CLYBL: variants seen among roughly 807,000 people sequenced by gnomAD.
CLYBL encodes the protein citramalyl-CoA lyase, mitochondrial.
A neutral mutation model predicts 38.9 loss-of-function variants in CLYBL; 31 were observed. The ratio of observed to expected loss-of-function variants is 0.80; its 90% CI spans 0.60 to 1.08. The LOEUF is 1.08. CLYBL is among the 50% of genes least tolerant of loss of function. CLYBL has a pLI of 0.00. For synonymous variants in CLYBL, 171 were observed against 158.6 expected, an observed-to-expected ratio of 1.08 and a Z score of -0.59; for missense variants, 434 against 411.6, an observed-to-expected ratio of 1.05 and a Z score of -0.47.
chr13:99,766,128 C>T (rs1010293951), intron 1 of CLYBL, among the ~76,000 whole-genome samples: 1 of 152,182 alleles, frequency 6.6e-6, no homozygotes, highest in Admixed American at 6.5e-5. Flanking sequence ...GCTGGGATTA[C>T]AGGCATGAGC....
intron 2 of CLYBL, among the ~76,000 whole-genome samples, chr13:99,856,298 T>C (rs953271554): frequency 7.9e-5 from 12 of 152,172 alleles, no homozygotes; most frequent in African/African-American, 2.9e-4. Flanking sequence ...ATTAACAATT[T>C]AGGAAGTTGA....
intron 3 of CLYBL, 30 bp from the exon 4 acceptor site, chr13:99,862,961 A>G: frequency 3.0e-6 from 4 of 1,327,462 alleles, no homozygotes; most frequent in Non-Finnish European, 4.3e-6. Context: ...TTTTTTCCCC[A>G]CTAATCACCT....
chr13:99,746,140 C>A (rs2048847136), intron 1 of CLYBL, among the ~76,000 whole-genome samples: 1 of 151,670 alleles, frequency 6.6e-6, no homozygotes, highest in African/African-American at 2.4e-5. Context: ...TATCAAAGTA[C>A]CCAGTCTTGG....
intron 8 of CLYBL, among the ~76,000 whole-genome samples, chr13:99,902,863 T>C (rs1206827082): frequency 6.6e-6 from 1 of 152,266 alleles, no homozygotes; most frequent in African/African-American, 2.4e-5. Context: ...TTAATTATTG[T>C]ATTTTGTACA....
At chr13:99,644,062 C>A (rs1044367366) in intron 1 of CLYBL, among the ~76,000 whole-genome samples, 2 of 150,390 alleles carry the variant, frequency 1.3e-5, no homozygotes, top group African/African-American at 4.9e-5. Context: ...CAATTCTGAG[C>A]CCATCACACA....
At chr13:99,767,324 G>A (rs1340988789) in intron 1 of CLYBL, among the ~76,000 whole-genome samples, 1 of 151,980 alleles carries the variant, frequency 6.6e-6, no homozygotes, top group South Asian at 2.1e-4. Flanking sequence ...TTATTTTTCT[G>A]TTGGGGAGGG....
At chr13:99,907,565 CA>C (rs1209863153) in intron 9 of CLYBL, among the ~76,000 whole-genome samples, 2 of 152,012 alleles carry the variant, frequency 1.3e-5, no homozygotes, top group Non-Finnish European at 2.9e-5. Context: ...AACTATACAT[CA>C]ATTTTTTTTA....
chr13:99,901,057 A>G (rs1385240442), downstream of CLYBL, among the ~76,000 whole-genome samples: 2 of 152,136 alleles, frequency 1.3e-5, no homozygotes, highest in African/African-American at 4.8e-5. Flanking sequence ...ATGGCTGGAA[A>G]ATGTCTTGGG....
At position 99,871,000 on chromosome 13, in the gene CLYBL, G is replaced by GA. The variant is rs751089484; in HGVS notation, c.871dup (p.Ile291AsnfsTer2). 23 of 1,613,592 alleles carry GA rather than the reference G, an allele frequency of 1.4e-5. No individual in the cohort carries two copies. Among genetic ancestry groups the GA allele is most frequent in the African/African-American group, 1.2e-4 (9 of 74,836 alleles). On this transcript the variant is annotated frameshift_variant, in exon 7 of 9. Coordinates refer to ENST00000339105, the MANE Select transcript of CLYBL (RefSeq NM_206808.5). LOFTEE classifies it high-confidence loss of function. ...CCAGGAGCAGTTTTCTCCTTCCCCT[G>GA]AAAAAATTAAGTGGGCTGAAGAACT...
At chr13:99,769,408 C>G (rs561518761) in intron 1 of CLYBL, among the ~76,000 whole-genome samples, 1 of 152,310 alleles carries the variant, frequency 6.6e-6, no homozygotes, top group East Asian at 1.9e-4. Flanking sequence ...ACTCCACCAT[C>G]TTCCCCCTCT....
rs2051880656 is a variant in CLYBL, at chr13:99,871,076, T to G, written c.927+14T>G. ...CAATTAGGAAAGGTAAATGTTTTGT[T>G]AATGCCTTGGGTGAGAGCAGTATTG... is the stretch of plus-strand genomic sequence containing the variant. On this transcript the variant is annotated intron_variant, in intron 7 of 8. Transcript: ENST00000339105. 6.2e-7 allele frequency: 1 copy of G among 1,613,448 alleles called. No individual in the cohort carries two copies. Among genetic ancestry groups the G allele is most frequent in the African/African-American group, 1.3e-5 (1 of 74,882 alleles).
intron 1 of CLYBL, among the ~76,000 whole-genome samples, chr13:99,717,295 G>A (rs1306681578): frequency 1.3e-5 from 2 of 151,182 alleles, no homozygotes; most frequent in Admixed American, 6.6e-5. Flanking sequence ...GTGTGGTGGT[G>A]CACACATGCA....
intron 1 of CLYBL, among the ~76,000 whole-genome samples, chr13:99,635,312 A>ACGCCCCC (rs2047003746): frequency 2.0e-5 from 3 of 150,726 alleles, no homozygotes; most frequent in Admixed American, 6.6e-5. Context: ...CACGCCCCCC[A>ACGCCCCC]CACCCCCAAC....
intron 2 of CLYBL, among the ~76,000 whole-genome samples, chr13:99,819,419 TATATATATATATATATATATA>T (rs2050530998): frequency 1.3e-4 from 1 of 7,770 alleles, no homozygotes; most frequent in Non-Finnish European, 2.4e-4. Context: ...AAAAAATTTA[TATATATATATATATATATATA>T]TATATATATA....
chr13:99,620,626 A>G (rs1162040211), intron 1 of CLYBL, among the ~76,000 whole-genome samples: 1 of 152,088 alleles, frequency 6.6e-6, no homozygotes, highest in Admixed American at 6.6e-5. Flanking sequence ...AAATACAAAA[A>G]TTAGCTGAAC....
In CLYBL at chr13:99,889,685, A is replaced by C. The variant is rs118051768; in HGVS notation, c.928-1633A>C. ...AAAATTCTAATCCTAGTAGGCTTAGAATCTCTCTCAATCAAAAGATAAATC... is the reference window on the plus strand; with the variant it reads ...AAAATTCTAATCCTAGTAGGCTTAGCATCTCTCTCAATCAAAAGATAAATC... On this transcript the variant is annotated intron_variant, in intron 7 of 8. Transcript: ENST00000339105. 2.4e-3 allele frequency among the ~76,000 whole-genome samples: 367 copies of C among 152,274 alleles called. 1 individual carries two copies. The highest frequency in any genetic ancestry group is 3.2e-3 in the Admixed American group (49 of 15,278).
intron 7 of CLYBL, among the ~76,000 whole-genome samples, chr13:99,879,646 G>A (rs146488900): frequency 2.0e-5 from 3 of 152,294 alleles, no homozygotes; most frequent in African/African-American, 7.2e-5. Flanking sequence ...ATTTATAAGA[G>A]TTTAGAGGGG....
At chr13:99,890,368 G>T (rs1053673989) in intron 7 of CLYBL, among the ~76,000 whole-genome samples, 8 of 152,150 alleles carry the variant, frequency 5.3e-5, no homozygotes, top group African/African-American at 1.9e-4. Context: ...TTTAAAAAAT[G>T]AGTCTGTAAA....
In CLYBL at chr13:99,754,838, C is replaced by T. The variant is rs141377582; in HGVS notation, c.63-17986C>T. Among the ~76,000 whole-genome samples, 928 of 150,358 alleles carry T rather than the reference C, an allele frequency of 6.2e-3. 6 individuals are homozygous for T. The highest frequency in any genetic ancestry group is 0.021 in the African/African-American group (876 of 40,774). ...CGAACTCCTGACCTCGTGATCCACT[C>T]GCCTCAGCCTTCCAAAGTGCTGGAA... On this transcript the variant is annotated intron_variant, in intron 1 of 8. Coordinates refer to ENST00000339105, the MANE Select transcript of CLYBL (RefSeq NM_206808.5).
Sources: gnomAD v4.1 joint callset for allele counts (sites outside exome capture counted in the v4.1 genomes callset) on GRCh38, gnomAD v4.1.1 for gene constraint, MANE v1.5 for transcripts, NCBI Gene and HGNC (gene_info 2026-07-23, HGNC 2026-07-21) for gene names.